The following RGS6 variants were observed in gnomAD, a reference collection of about 807,000 sequenced individuals.
RGS6 encodes regulator of G-protein signaling 6.
RGS6 carries 30 observed loss-of-function variants against 78.5 expected under a neutral mutation model. That is an observed-to-expected ratio of 0.38 (90% CI 0.29 to 0.52). The LOEUF (loss-of-function observed/expected upper bound fraction) is 0.52, where lower values mean the gene tolerates loss of function less well. RGS6 is among the 20% of genes least tolerant of loss of function. RGS6 has a pLI of 0.85. For synonymous variants in RGS6, 206 were observed against 206.0 expected (o/e 1.00, Z 0.00); for missense variants, 495 against 609.7 (o/e 0.81, Z 1.98).
intron 12 of RGS6, among the ~76,000 whole-genome samples, chr14:72,482,367 A>T (rs1302115608): frequency 2.0e-5 from 3 of 152,056 alleles, no homozygotes; most frequent in Non-Finnish European, 4.4e-5. Context: ...TTTCTCTACT[A>T]ACCCTTCCCC....
chr14:72,104,998 T>G (rs1305442965), intron 2 of RGS6, among the ~76,000 whole-genome samples: 1 of 152,234 alleles, frequency 6.6e-6, no homozygotes, highest in Non-Finnish European at 1.5e-5. Flanking sequence ...TGTTTCTGGA[T>G]AGGTCCTTGG....
At chr14:72,426,838 C>G (rs2094452301) in intron 3 of RGS6, among the ~76,000 whole-genome samples, 1 of 152,234 alleles carries the variant, frequency 6.6e-6, no homozygotes, top group Admixed American at 6.5e-5. Flanking sequence ...GTCCCACATA[C>G]TGTTGTGGAA....
At chr14:71,918,388 TC>T in the RGS6 span, among the ~76,000 whole-genome samples, 1 of 152,124 alleles carries the variant, frequency 6.6e-6, no homozygotes, top group Non-Finnish European at 1.5e-5. Context: ...AGGCTTGGTT[TC>T]ACTTGCTACA....
intron 2 of RGS6, among the ~76,000 whole-genome samples, chr14:72,096,262 C>A (rs553779177): frequency 3.1e-4 from 46 of 149,004 alleles, no homozygotes; most frequent in African/African-American, 1.1e-3. Flanking sequence ...GCCTGGGTTA[C>A]AGAGTGAGAC....
At chr14:72,508,367 A>C (rs1255645077) in intron 13 of RGS6, among the ~76,000 whole-genome samples, 1 of 152,172 alleles carries the variant, frequency 6.6e-6, no homozygotes, top group Non-Finnish European at 1.5e-5. Context: ...TGAATCATTT[A>C]AAATTAAATG....
intron 6 of RGS6, among the ~76,000 whole-genome samples, chr14:72,460,485 A>G (rs538255934): frequency 6.6e-6 from 1 of 152,152 alleles, no homozygotes; most frequent in Non-Finnish European, 1.5e-5. Flanking sequence ...GTGCTCAGTA[A>G]ATATCCACTG....
At chr14:72,524,730 C>CTTT (rs142824656) in intron 15 of RGS6, among the ~76,000 whole-genome samples, 8 of 151,520 alleles carry the variant, frequency 5.3e-5, no homozygotes, top group African/African-American at 1.9e-4. Flanking sequence ...GCCCAGATGG[C>CTTT]TTTTTTTTTG....
At chr14:72,574,275 C>G in the RGS6 span, among the ~76,000 whole-genome samples, 1 of 152,204 alleles carries the variant, frequency 6.6e-6, no homozygotes, top group African/African-American at 2.4e-5. Context: ...GGTGAGCCCA[C>G]AGAACTTCTG....
chr14:72,042,910 T>C (rs772888556), intron 2 of RGS6, among the ~76,000 whole-genome samples: 11 of 152,204 alleles, frequency 7.2e-5, no homozygotes, highest in Non-Finnish European at 1.5e-4. Flanking sequence ...TTAGAACTTT[T>C]TCTACCTTTG....
intron 17 of RGS6, among the ~76,000 whole-genome samples, chr14:72,558,640 A>AGAT (rs1029735298): frequency 2.6e-5 from 4 of 152,322 alleles, no homozygotes; most frequent in African/African-American, 9.6e-5. Context: ...CTAGCCATCA[A>AGAT]GATGGCCACA....
At chr14:72,354,944 AT>A (rs1404980445) in intron 3 of RGS6, among the ~76,000 whole-genome samples, 33 of 151,972 alleles carry the variant, frequency 2.2e-4, no homozygotes, top group Non-Finnish European at 1.8e-4. Flanking sequence ...TTACTATATT[AT>A]TTTTCACATT....
chr14:72,572,653 G>A, the RGS6 span, among the ~76,000 whole-genome samples: 3 of 152,130 alleles, frequency 2.0e-5, no homozygotes, highest in Non-Finnish European at 2.9e-5. Flanking sequence ...AAGGTGGGGT[G>A]GAAATGAAAA....
intron 2 of RGS6, among the ~76,000 whole-genome samples, chr14:71,971,922 T>C: frequency 6.6e-6 from 1 of 150,614 alleles, no homozygotes; most frequent in Admixed American, 6.6e-5. Context: ...TTTTTTTTTT[T>C]TTTTTTTTTT....
At chr14:72,216,599 T>A (rs847280) in intron 2 of RGS6, among the ~76,000 whole-genome samples, 142,443 of 152,284 alleles carry the variant, frequency 0.94, 66,789 homozygotes, top group East Asian at 1. Context: ...TGTGCACATC[T>A]AATTGCAGGT....
At chr14:72,145,648 T>A (rs561694906) in intron 2 of RGS6, among the ~76,000 whole-genome samples, 1 of 152,094 alleles carries the variant, frequency 6.6e-6, no homozygotes, top group African/African-American at 2.4e-5. Context: ...TGGGCTAATT[T>A]TTTTGTGGAT....
chr14:72,010,565 AGTT>A (rs1201145083), intron 2 of RGS6, among the ~76,000 whole-genome samples: 2 of 152,174 alleles, frequency 1.3e-5, no homozygotes. Flanking sequence ...ACTTCTTGCT[AGTT>A]GTTGGCACTG....
At chr14:72,080,663 A>G (rs897445375) in intron 2 of RGS6, among the ~76,000 whole-genome samples, 2 of 152,080 alleles carry the variant, frequency 1.3e-5, no homozygotes, top group African/African-American at 2.4e-5. Context: ...TCTTAGGTTT[A>G]AGTCTTTAAT....
intron 2 of RGS6, 71 bp from the exon 3 acceptor site, chr14:72,352,024 T>A: frequency 8.9e-7 from 1 of 1,127,028 alleles, no homozygotes; most frequent in Non-Finnish European, 1.3e-6. Context: ...ACATTTGGGC[T>A]GTTTAAAAAG....
chr14:72,114,532 A>T (rs1256376863), intron 2 of RGS6, among the ~76,000 whole-genome samples: 1 of 152,236 alleles, frequency 6.6e-6, no homozygotes, highest in Non-Finnish European at 1.5e-5. Flanking sequence ...AGCAAAATGG[A>T]TAAGAGACCA....
Sources: allele counts gnomAD v4.1 joint callset (sites outside exome capture counted in the v4.1 genomes callset), GRCh38; gene constraint gnomAD v4.1.1; transcripts MANE v1.5; gene names NCBI Gene and HGNC (gene_info 2026-07-23, HGNC 2026-07-21).